Variants in NRAP observed in about 807,000 individuals in gnomAD.
NRAP encodes nebulin related anchoring protein, also known as nebulin-related-anchoring protein.
A neutral mutation model predicts 225.9 loss-of-function variants in NRAP; 189 were observed. The observed-to-expected ratio is 0.84, with a 90% confidence interval of 0.74 to 0.94. NRAP has a LOEUF of 0.94. Among genes scored for constraint, NRAP ranks in the 40% least tolerant of loss-of-function variants. The pLI is 0.00. For synonymous variants in NRAP, 769 were observed against 790.7 expected, an observed-to-expected ratio of 0.97 and a Z score of 0.46; for missense variants, 2,176 against 2,168.7, an observed-to-expected ratio of 1.00 and a Z score of -0.07.
Position 113,628,897 on chromosome 10 carries a change from G to C in NRAP, c.2145+20C>G, listed in dbSNP as rs777624415. On this transcript the variant is annotated intron_variant, in intron 20 of 41. Coordinates refer to ENST00000359988, the MANE Select transcript of NRAP (RefSeq NM_198060.4). ...AGGGGCTGAGGACTACTGGAGGCCAGAGGCCCCAGTGCAGGTTACCTCGCT... is the reference window on the plus strand; with the variant it reads ...AGGGGCTGAGGACTACTGGAGGCCACAGGCCCCAGTGCAGGTTACCTCGCT... 2.8e-6 allele frequency: 4 copies of C among 1,446,542 alleles called. No homozygotes were observed. Among genetic ancestry groups the C allele is most frequent in the Non-Finnish European group, 3.8e-6 (4 of 1,049,486 alleles). 89.6% of individuals were successfully genotyped at this position (1,446,542 alleles called of 1,614,324 possible).
chr10:113,624,853 G>C lies in NRAP; in HGVS notation c.2322C>G (p.Ala774=), dbSNP rs778901893. ...ISKDEPLFLQ[A]RANAANLSEK... ...CGCTGAGATTTGCAGCATTGGCTCGGGCCTGCAGGAAGAGAGGCTCGTCTT... is the reference window on the plus strand; with the variant it reads ...CGCTGAGATTTGCAGCATTGGCTCGCGCCTGCAGGAAGAGAGGCTCGTCTT... Residue 774 remains alanine, a synonymous_variant, in exon 22 of 42, where the codon GCC becomes GCG. Transcript: ENST00000359988. 2.2e-5 allele frequency: 35 copies of C among 1,613,916 alleles called. No homozygotes were observed. Among genetic ancestry groups the C allele is most frequent in the Non-Finnish European group, 2.8e-5 (33 of 1,179,916 alleles).
At chr10:113,623,175 A>G (rs1458665790) in intron 23 of NRAP, among the ~76,000 whole-genome samples, 2 of 152,228 alleles carry the variant, frequency 1.3e-5, no homozygotes, top group East Asian at 1.9e-4. Context: ...TACAAGGTCT[A>G]TCTAACACCA....
chr10:113,611,751 G>A (rs1173907337), intron 30 of NRAP, among the ~76,000 whole-genome samples: 1 of 152,186 alleles, frequency 6.6e-6, no homozygotes, highest in Admixed American at 6.5e-5. Context: ...GCACAGGAAC[G>A]CATGAAGCAC....
chr10:113,618,792 A>G (rs1265428634), intron 25 of NRAP, among the ~76,000 whole-genome samples: 2 of 152,160 alleles, frequency 1.3e-5, no homozygotes, highest in Non-Finnish European at 2.9e-5. Flanking sequence ...CTAAAAATAC[A>G]AGAATTAGCT....
rs1435899672 is a variant in NRAP at position 113,650,089 on chromosome 10, G to A, written c.836C>T (p.Ala279Val). 1 of 1,612,836 alleles carries A rather than the reference G, an allele frequency of 6.2e-7. No individual in the cohort carries two copies. Among genetic ancestry groups the A allele is most frequent in the Admixed American group, 1.7e-5 (1 of 60,018 alleles). ...TGTCAAGATGCCCTCAGCTCCAATG[G>A]CTGGACCAGCCATTCCCCTCATTTC... ...QKEMRGMAGP[A>V]IGAEGILTRE... is the part of the protein sequence containing the mutation. Residue 279 changes from alanine to valine, a missense_variant, in exon 9 of 42, where the codon GCC becomes GTC. Transcript: ENST00000359988.
intron 9 of NRAP, among the ~76,000 whole-genome samples, chr10:113,649,117 T>C (rs1287992394): frequency 2.0e-5 from 3 of 152,224 alleles, no homozygotes; most frequent in Non-Finnish European, 2.9e-5. Flanking sequence ...TAAATGGCCT[T>C]TTAAATTCAA....
chr10:113,611,234 G>A (rs982255514), intron 30 of NRAP, among the ~76,000 whole-genome samples: 12 of 151,904 alleles, frequency 7.9e-5, no homozygotes, highest in African/African-American at 2.9e-4. Context: ...CAGCTCCCTC[G>A]TTCCTACAGC....
chr10:113,636,756 C>T (rs189889456), intron 14 of NRAP, among the ~76,000 whole-genome samples: 2 of 152,244 alleles, frequency 1.3e-5, no homozygotes. Context: ...TGCCTGTAAT[C>T]CCAGCACTTT....
intron 25 of NRAP, among the ~76,000 whole-genome samples, chr10:113,618,707 A>C (rs1479099407): frequency 6.6e-6 from 1 of 152,294 alleles, no homozygotes; most frequent in East Asian, 1.9e-4. Context: ...GCACTTTGGG[A>C]GGCTGAGGAG....
At chr10:113,659,953 C>T (rs1305354465) in intron 3 of NRAP, among the ~76,000 whole-genome samples, 2 of 151,958 alleles carry the variant, frequency 1.3e-5, no homozygotes. Flanking sequence ...TCATAACACA[C>T]CCTAGGGCAG....
intron 32 of NRAP, among the ~76,000 whole-genome samples, chr10:113,607,431 A>G (rs1224060176): frequency 2.2e-5 from 3 of 139,214 alleles, no homozygotes; most frequent in African/African-American, 5.4e-5. Context: ...AAAAAAAAAA[A>G]AAAAAGAAAA....
Position 113,593,213 on chromosome 10 carries a change from C to T in NRAP, c.4537-912G>A, listed in dbSNP as rs117842117. On this transcript the variant is annotated intron_variant, in intron 38 of 41. Transcript: ENST00000359988. ...CCCCAGACCGTGTCGGTTGCTCACT[C>T]GTTCCACGAGCTACAGCAGGTCAGG... 8.5e-3 allele frequency among the ~76,000 whole-genome samples: 1,291 copies of T among 152,230 alleles called. 8 individuals are homozygous for T. Among genetic ancestry groups the T allele is most frequent in the Non-Finnish European group, 0.014 (927 of 68,016 alleles).
At chr10:113,621,392 C>T (rs1325991124) in intron 24 of NRAP, among the ~76,000 whole-genome samples, 1 of 152,016 alleles carries the variant, frequency 6.6e-6, no homozygotes, top group South Asian at 2.1e-4. Flanking sequence ...TTCAGTTCAC[C>T]CCCATTCTTG....
Position 113,615,774 on chromosome 10 carries a change from T to G in NRAP, c.3016A>C (p.Thr1006Pro). ...EQGENIKHHY[T>P]PTADLPEVLL... is the part of the protein sequence containing the mutation. The stretch of plus-strand genomic sequence containing the variant: ...ACTTCAGGGAGGTCAGCAGTCGGTG[T>G]GTAATGATGCTTTATGTTTTCTCCT... Residue 1006 changes from threonine (T) to proline (P), a missense_variant, in exon 27 of 42, where the codon ACA becomes CCA. Physicochemically the swap from Thr to Pro is conservative, Grantham distance 38 (BLOSUM62 -1). Around this residue, in one of 3 missense-constraint regions of NRAP, gnomAD observed 1,708 missense variants for 1,695.5 expected, o/e 1.01. Transcript: ENST00000359988. The G allele has an allele frequency of 6.2e-7, 1 of 1,610,682 alleles. No homozygotes were observed. Among genetic ancestry groups the G allele is most frequent in the South Asian group, 1.1e-5 (1 of 90,994 alleles).
At chr10:113,621,466 G>A (rs1020612700) in intron 24 of NRAP, among the ~76,000 whole-genome samples, 4 of 152,086 alleles carry the variant, frequency 2.6e-5, no homozygotes, top group African/African-American at 9.7e-5. Context: ...ACAGGGAAAG[G>A]GTTATTGAAA....
intron 22 of NRAP, 113 bp from the exon 23 acceptor site, chr10:113,623,749 G>A (rs552402025): frequency 5.8e-5 from 40 of 687,862 alleles, no homozygotes; most frequent in African/African-American, 4.6e-4. Context: ...TGATTATTAC[G>A]TCCTTCTCTG....
rs551484090 is a variant in NRAP at position 113,614,194 on chromosome 10, G to A, written c.3289C>T (p.Leu1097=). 3.7e-6 allele frequency: 6 copies of A among 1,611,494 alleles called. No individual in the cohort carries two copies. In the African/African-American group the frequency reaches 4.0e-5, roughly 11 times the overall value. ...SLAHSVYATS[L]QSDVNYKKGF... is the part of the protein sequence containing the mutation. ...CTCCCCCCACTTACATCACTCTGCA[G>A]TGAGGTCGCATACACTGAATGTGCA... The change falls in exon 29 of 42, where the codon CTG becomes TTG. Residue 1097 remains leucine, a synonymous_variant. Transcript: ENST00000359988.
rs368171230 is a variant in NRAP, at chr10:113,641,485, G to A, written c.1216-13C>T. On this transcript the variant is annotated splice_polypyrimidine_tract_variant and intron_variant, in intron 12 of 41. Transcript: ENST00000359988. ...CTTTATATTTATTCTACATGGAAAC[G>A]CAAAGTTTTCAACCAAAGCATTCCC... 24 of 1,551,964 alleles carry A rather than the reference G, an allele frequency of 1.5e-5. No individual in the cohort carries two copies. In the East Asian group the frequency reaches 1.6e-4, roughly 10 times the overall value.
In NRAP at chr10:113,590,690, C is replaced by A; in HGVS notation, c.4844G>T (p.Ser1615Ile). ...DQPGLLQAKR[S>I]QQLASDVHYR... Reference sequence around the variant, plus strand: ...GTGCACATCACTGGCCAGCTGCTGGCTCCTCTTGGCCTGAAGGAGGCCGGG... The same window carrying A: ...GTGCACATCACTGGCCAGCTGCTGGATCCTCTTGGCCTGAAGGAGGCCGGG... Residue 1615 changes from serine (S) to isoleucine (I), a missense_variant, in exon 40 of 42, where the codon AGC becomes ATC. This residue lies in a region of NRAP where 445 missense variants were observed against 426.1 expected (regional missense o/e 1.04). Coordinates refer to ENST00000359988, the MANE Select transcript of NRAP (RefSeq NM_198060.4). 1 of 1,614,224 alleles carries A rather than the reference C, an allele frequency of 6.2e-7. No individual in the cohort carries two copies.
Sources: allele counts gnomAD v4.1 joint callset (sites outside exome capture counted in the v4.1 genomes callset), GRCh38; gene constraint gnomAD v4.1.1; regional missense constraint gnomAD v4.1.1; transcripts MANE v1.5; gene names NCBI Gene and HGNC (gene_info 2026-07-23, HGNC 2026-07-21).